The following ZNF516 variants were observed in gnomAD, a reference collection of about 807,000 sequenced individuals.
ZNF516 encodes the protein zinc finger protein 516.
ZNF516 carries 19 observed loss-of-function variants against 79.7 expected under a neutral mutation model. The ratio of observed to expected loss-of-function variants is 0.24; its 90% CI spans 0.17 to 0.35. The LOEUF (loss-of-function observed/expected upper bound fraction) is 0.35. Ranked by LOEUF, ZNF516 falls within the 10% of genes least tolerant of loss-of-function variation. The pLI is 1.00. For missense variants in ZNF516, 1,678 were observed against 1,679.5 expected, an observed-to-expected ratio of 1.00 and a Z score of 0.02; for synonymous variants, 877 against 739.5, an observed-to-expected ratio of 1.19 and a Z score of -3.02.
intron 6 of ZNF516, among the ~76,000 whole-genome samples, chr18:76,368,122 G>A (rs1262056508): frequency 1.3e-5 from 2 of 152,128 alleles, no homozygotes; most frequent in Non-Finnish European, 1.5e-5. Context: ...ACTACAGAAT[G>A]TTTTCTATAA....
At chr18:76,495,723 G>GC, upstream of ZNF516, 1 of 1,182,794 alleles carries the variant, frequency 8.5e-7, no homozygotes, top group Non-Finnish European at 1.1e-6. Flanking sequence ...GGGTCCCGCC[G>GC]GCGGGTACCT....
intron 3 of ZNF516, among the ~76,000 whole-genome samples, chr18:76,391,993 G>A (rs564618980): frequency 5.9e-5 from 9 of 152,310 alleles, no homozygotes; most frequent in Non-Finnish European, 5.9e-5. Flanking sequence ...ACAACACCAC[G>A]GTCCTCTCTG....
At chr18:76,397,602 G>C (rs991515446) in intron 3 of ZNF516, among the ~76,000 whole-genome samples, 1 of 152,130 alleles carries the variant, frequency 6.6e-6, no homozygotes, top group African/African-American at 2.4e-5. Context: ...CTCTGGACAC[G>C]ATATTTTATT....
Position 76,357,976 on chromosome 18 carries a change from A to G in ZNF516, c.*4522T>C, listed in dbSNP as rs1201505448. ...TCCATTAAAAAACTGTATGTCCTCG[A>G]GTCCACAAAAGAGTTGGAAAAAAAC... On this transcript the variant is annotated 3_prime_UTR_variant, in exon 7 of 7. Coordinates refer to ENST00000443185, the MANE Select transcript of ZNF516 (RefSeq NM_014643.4). Among the ~76,000 whole-genome samples, 1 of 152,232 alleles carries G rather than the reference A, an allele frequency of 6.6e-6. No homozygotes were observed. Among genetic ancestry groups the G allele is most frequent in the Non-Finnish European group, 1.5e-5 (1 of 68,048 alleles).
intron 3 of ZNF516, among the ~76,000 whole-genome samples, chr18:76,391,950 G>GT (rs77183562): frequency 0.29 from 43,690 of 152,158 alleles, 7,274 homozygotes; most frequent in East Asian, 0.46. Flanking sequence ...GCAGGGGAAC[G>GT]TGACACTCAA....
intron 1 of ZNF516, among the ~76,000 whole-genome samples, chr18:76,480,490 CACAT>C (rs1555720170): frequency 3.9e-5 from 5 of 128,972 alleles, no homozygotes; most frequent in African/African-American, 1.3e-4. Context: ...CACACATATA[CACAT>C]ACACACACAC....
At chr18:76,490,094 C>T (rs905989800) in intron 1 of ZNF516, 6 of 899,974 alleles carry the variant, frequency 6.7e-6, no homozygotes, top group Non-Finnish European at 8.0e-6. Flanking sequence ...TGTGCCTTAA[C>T]ACACCAAAAT....
At chr18:76,421,085 C>T (rs138248617) in intron 3 of ZNF516, among the ~76,000 whole-genome samples, 8 of 152,334 alleles carry the variant, frequency 5.3e-5, no homozygotes, top group South Asian at 4.1e-4. Flanking sequence ...ATGCAGTGTG[C>T]GCCTCCTGCT....
chr18:76,444,052 G>T (rs1015936514), intron 2 of ZNF516, among the ~76,000 whole-genome samples: 1 of 152,214 alleles, frequency 6.6e-6, no homozygotes, highest in African/African-American at 2.4e-5. Flanking sequence ...GACGAGGGAC[G>T]CATGAATCAA....
In ZNF516 at chr18:76,493,114, T is replaced by A; in HGVS notation, c.-272+2030A>T. 1.0e-6 allele frequency: 1 copy of A among 983,586 alleles called. No individual in the cohort carries two copies. The highest frequency in any genetic ancestry group is 4.7e-5 in the South Asian group (1 of 21,214). The allele number at this position is 983,586 out of a possible 1,614,324, so 60.9% of individuals were successfully genotyped here. On this transcript the variant is annotated intron_variant, in intron 1 of 6. Coordinates refer to ENST00000443185, the MANE Select transcript of ZNF516 (RefSeq NM_014643.4). The surrounding 1 kb of genome is among the most constrained non-coding windows in gnomAD (Gnocchi z 5.2). ...CTGTTTCCTTTTTTTTTTTTCCTCC[T>A]CTCCTCCCTACCGTTTCATTTAATG...
chr18:76,490,760 T>C (rs1915129756), intron 1 of ZNF516: 1 of 985,320 alleles, frequency 1.0e-6, no homozygotes, highest in Non-Finnish European at 1.2e-6. Context: ...GGATCCCCAC[T>C]AAAGTTCCTT....
chr18:76,495,724 G>C, upstream of ZNF516: 1 of 1,182,036 alleles, frequency 8.5e-7, no homozygotes, highest in Non-Finnish European at 1.1e-6. Context: ...GGTCCCGCCG[G>C]CGGGTACCTG....
intron 3 of ZNF516, among the ~76,000 whole-genome samples, chr18:76,438,031 G>C (rs2075766636): frequency 6.6e-6 from 1 of 152,190 alleles, no homozygotes; most frequent in African/African-American, 2.4e-5. Flanking sequence ...GACAAGAAAT[G>C]GTGAAAAGCG....
At position 76,379,198 on chromosome 18, in the gene ZNF516, G is replaced by C; in HGVS notation, c.2916C>G (p.Asp972Glu). 6 of 1,612,894 alleles carry C rather than the reference G, an allele frequency of 3.7e-6. No homozygotes were observed. The highest frequency in any genetic ancestry group is 5.1e-6 in the Non-Finnish European group (6 of 1,179,766). The change falls in exon 4 of 7, where the codon GAC becomes GAG. Residue 972 changes from aspartate (D) to glutamate (E), a missense_variant. Around this residue, in one of 5 missense-constraint regions of ZNF516, gnomAD observed 1,294 missense variants for 1,248.3 expected, o/e 1.04. Transcript: ENST00000443185. ...GAGCACTGAATTTGGCTTTCAGGGA[G>C]TCCGGGGCACTGTGCTTATTTGTGG... ...FAPTNKHSAPDSLKAKFSAQP... is the reference protein window; with the variant it reads ...FAPTNKHSAPESLKAKFSAQP...
chr18:76,459,883 G>A lies in ZNF516; in HGVS notation c.-158+3145C>T, dbSNP rs534185860. ...AGGAACATACTGATGATAAGGAAAC[G>A]CCGGGTGGGGTCTTTACGTAGGCAG... On this transcript the variant is annotated intron_variant, in intron 2 of 6. Coordinates refer to ENST00000443185, the MANE Select transcript of ZNF516 (RefSeq NM_014643.4). This position sits in a 1 kb window ranked among gnomAD's most constrained non-coding sequence, Gnocchi z 5.0. Among the ~76,000 whole-genome samples the A allele has an allele frequency of 1.3e-5, 2 of 152,322 alleles. No homozygotes were observed. The highest frequency in any genetic ancestry group is 2.1e-4 in the South Asian group (1 of 4,828).
At chr18:76,430,180 T>C (rs962666166) in intron 3 of ZNF516, among the ~76,000 whole-genome samples, 39 of 152,184 alleles carry the variant, frequency 2.6e-4, no homozygotes, top group African/African-American at 9.2e-4. Flanking sequence ...TTGATTTCAG[T>C]CTCATGGCCC....
intron 1 of ZNF516, among the ~76,000 whole-genome samples, chr18:76,482,515 TGCTCC>T (rs1472868612): frequency 6.6e-6 from 1 of 152,218 alleles, no homozygotes; most frequent in Non-Finnish European, 1.5e-5. Context: ...CACTGCCAGG[TGCTCC>T]TGCCCAACTG....
rs780762276 is a variant in ZNF516, at chr18:76,371,449, T to TG, written c.3364+17dup. On this transcript the variant is annotated intron_variant, in intron 5 of 6. Coordinates refer to ENST00000443185, the MANE Select transcript of ZNF516 (RefSeq NM_014643.4). The stretch of plus-strand genomic sequence containing the variant: ...TTCCTCTGCTCCCCTTGGGGATAGC[T>TG]GGGCGGGAGGGCGATACCTGAGTGT... The TG allele has an allele frequency of 6.3e-7, 1 of 1,597,936 alleles. No homozygotes were observed. The highest frequency in any genetic ancestry group is 2.2e-5 in the East Asian group (1 of 44,698).
intron 3 of ZNF516, among the ~76,000 whole-genome samples, chr18:76,423,825 C>T (rs1178899481): frequency 6.7e-6 from 1 of 149,032 alleles, no homozygotes; most frequent in East Asian, 2.0e-4. Context: ...AAAAGGTTCC[C>T]CCATGAAACA....
Sources: gnomAD v4.1 joint callset for allele counts (sites outside exome capture counted in the v4.1 genomes callset) on GRCh38, gnomAD v4.1.1 for gene constraint, gnomAD v4.1.1 regional missense constraint, Gnocchi (gnomAD v3.1) non-coding constraint, MANE v1.5 for transcripts, NCBI Gene and HGNC (gene_info 2026-07-23, HGNC 2026-07-21) for gene names.